FDFT1: variants seen among roughly 807,000 people sequenced by gnomAD.
FDFT1 encodes the protein squalene synthase.
In FDFT1, 68 loss-of-function variants were observed where a neutral mutation model predicts 46.8. The ratio of observed to expected loss-of-function variants is 1.45; its 90% confidence interval spans 1.19 to 1.78. The LOEUF (loss-of-function observed/expected upper bound fraction) is 1.78, where lower values mean the gene tolerates loss of function less well. Ranked by LOEUF, FDFT1 falls within the 40% of genes most tolerant of loss-of-function variation. The pLI is 0.00. For synonymous variants in FDFT1, 351 were observed against 185.1 expected, an observed-to-expected ratio of 1.90 and a Z score of -7.28; for missense variants, 928 against 524.4, an observed-to-expected ratio of 1.77 and a Z score of -7.52.
At position 11,808,472 on chromosome 8, in the gene FDFT1, C is replaced by G. The variant is rs898451506; in HGVS notation, c.100-322C>G. The G allele has an allele frequency of 1.2e-5, 15 of 1,291,348 alleles. No homozygotes were observed. In the Admixed American group the frequency reaches 2.0e-4, roughly 17 times the overall value. The allele number at this position is 1,291,348 out of a possible 1,614,324, so 80.0% of individuals were successfully genotyped here. A position where few individuals can be genotyped will look rare whatever the true frequency, so the allele number is the denominator to read the frequency against. ...GCCCCTCGTCGGGCGCTTCCCAGAT[C>G]TGCTTGAGTCTATGGAGGAAAAACT... On this transcript the variant is annotated intron_variant, in intron 1 of 7. Transcript: ENST00000220584.
intron 3 of FDFT1, among the ~76,000 whole-genome samples, chr8:11,816,339 T>C (rs1563313891): frequency 6.6e-6 from 1 of 152,234 alleles, no homozygotes; most frequent in African/African-American, 2.4e-5. Flanking sequence ...TAGGATTGTC[T>C]TGGCTATGCA....
chr8:11,832,871 G>A (rs927046733), intron 7 of FDFT1, among the ~76,000 whole-genome samples: 1 of 152,116 alleles, frequency 6.6e-6, no homozygotes, highest in Non-Finnish European at 1.5e-5. Context: ...CTCCCCAGAG[G>A]TTACCTCTGT....
intron 3 of FDFT1, among the ~76,000 whole-genome samples, chr8:11,811,216 G>T (rs1411277722): frequency 6.6e-6 from 1 of 152,168 alleles, no homozygotes; most frequent in Non-Finnish European, 1.5e-5. Flanking sequence ...CCAGAGGATG[G>T]GTTTCCTTTG....
At chr8:11,803,006 G>A in intron 1 of FDFT1, 75 bp downstream of exon 1, 4 of 1,531,840 alleles carry the variant, frequency 2.6e-6, no homozygotes, top group South Asian at 2.4e-5. Context: ...GAGCGGCCGG[G>A]CCCGGATCTG....
At chr8:11,806,615 A>C (rs1013364329) in intron 1 of FDFT1, among the ~76,000 whole-genome samples, 3 of 152,128 alleles carry the variant, frequency 2.0e-5, no homozygotes, top group Admixed American at 6.5e-5. Context: ...CTCCTGGCTT[A>C]ACATCACCCC....
At chr8:11,823,803 G>A (rs912334484) in intron 4 of FDFT1, among the ~76,000 whole-genome samples, 8 of 152,124 alleles carry the variant, frequency 5.3e-5, no homozygotes, top group African/African-American at 9.7e-5. Context: ...GAGTGTAGTG[G>A]CATGATCAAG....
intron 4 of FDFT1, among the ~76,000 whole-genome samples, chr8:11,822,139 T>C (rs866133651): frequency 6.6e-6 from 1 of 152,200 alleles, no homozygotes; most frequent in African/African-American, 2.4e-5. Flanking sequence ...TAATTGACCA[T>C]GAAGATTAAA....
intron 2 of FDFT1, 152 bp downstream of exon 2, chr8:11,809,043 A>G: frequency 2.9e-6 from 4 of 1,359,622 alleles, no homozygotes; most frequent in Non-Finnish European, 3.9e-6. Context: ...TGTTTACTTT[A>G]GAAAGCCCTT....
chr8:11,798,409 G>A (rs1473203100), upstream of FDFT1, among the ~76,000 whole-genome samples: 2 of 152,220 alleles, frequency 1.3e-5, no homozygotes, highest in Admixed American at 6.5e-5. Context: ...GGAAAGGACA[G>A]GGGAAGTCAA....
chr8:11,802,395 G>GCGCATCCTAAGCCCCAC, upstream of FDFT1: 2 of 456,708 alleles, frequency 4.4e-6, no homozygotes, highest in South Asian at 3.1e-5. Flanking sequence ...TTGGGCTCCT[G>GCGCATCCTAAGCCCCAC]CGCATCCTAA....
At chr8:11,808,633 G>C in intron 1 of FDFT1, 161 bp from the exon 2 acceptor site, 1 of 1,397,270 alleles carries the variant, frequency 7.2e-7, no homozygotes, top group South Asian at 1.6e-5. Context: ...CGGGGCTGCT[G>C]CTTGCCTCCT....
chr8:11,825,784 A>G (rs1809885241), intron 4 of FDFT1, among the ~76,000 whole-genome samples: 1 of 152,188 alleles, frequency 6.6e-6, no homozygotes, highest in Non-Finnish European at 1.5e-5. Context: ...AGAAATTTGG[A>G]AAATACAAGT....
At chr8:11,802,288 C>A (rs1411490320), upstream of FDFT1, 2 of 386,740 alleles carry the variant, frequency 5.2e-6, no homozygotes, top group African/African-American at 2.1e-5. Context: ...AGAGCTCACC[C>A]GGCTGGCAGG....
chr8:11,831,872 G>A (rs1466151410), intron 7 of FDFT1: 3 of 512,560 alleles, frequency 5.9e-6, no homozygotes, highest in Admixed American at 6.7e-5. Context: ...GTAGTACCCT[G>A]GTGAGAGGAG....
chr8:11,838,493 A>T lies in FDFT1; in HGVS notation c.1138A>T (p.Ser380Cys). ...TCCCAACTGTCAGCTGATTTCCCGA[A>T]GCCACTACTCCCCCATCTACCTGTC... ...NLPNCQLISR[S>C]HYSPIYLSFV... Residue 380 changes from serine to cysteine, a missense_variant, in exon 8 of 8, where the codon AGC becomes TGC. Transcript: ENST00000220584. 1 of 1,606,586 alleles carries T rather than the reference A, an allele frequency of 6.2e-7. No individual in the cohort carries two copies. The highest frequency in any genetic ancestry group is 8.5e-7 in the Non-Finnish European group (1 of 1,175,306).
intron 3 of FDFT1, among the ~76,000 whole-genome samples, chr8:11,818,859 G>A (rs940457861): frequency 2.8e-4 from 42 of 152,086 alleles, no homozygotes; most frequent in Admixed American, 2.8e-3. Context: ...TTATATTTAA[G>A]GTTAATATTG....
At chr8:11,803,873 TCTTTA>T (rs1232800832) in intron 1 of FDFT1, 6 of 154,210 alleles carry the variant, frequency 3.9e-5, no homozygotes, top group African/African-American at 1.4e-4. Context: ...TCACGTGCTA[TCTTTA>T]ATACAGGTAC....
intron 4 of FDFT1, among the ~76,000 whole-genome samples, chr8:11,824,926 G>A (rs866718624): frequency 2.6e-5 from 4 of 151,940 alleles, no homozygotes; most frequent in Admixed American, 6.6e-5. Flanking sequence ...TAGTAGAGAC[G>A]GGGTTTCACC....
rs764954065 is a variant in FDFT1 at position 11,838,395 on chromosome 8, A to C, written c.1040A>C (p.His347Pro). ...TTCCTGTGTCTTTAACAGATTTATC[A>C]TAGAATCCCCGACTCAGACCCATCT... ...IIYQYMEEIYHRIPDSDPSSS... is the reference protein window; with the variant it reads ...IIYQYMEEIYPRIPDSDPSSS... The change falls in exon 8 of 8, where the codon CAT becomes CCT. Residue 347 changes from histidine (H) to proline (P), a missense_variant. By Grantham distance (77) the His-to-Pro change is moderately conservative. Coordinates refer to ENST00000220584, the MANE Select transcript of FDFT1 (RefSeq NM_004462.5). The C allele has an allele frequency of 6.2e-7, 1 of 1,613,392 alleles. No homozygotes were observed. Among genetic ancestry groups the C allele is most frequent in the Non-Finnish European group, 8.5e-7 (1 of 1,179,340 alleles).
Sources: allele counts gnomAD v4.1 joint callset (sites outside exome capture counted in the v4.1 genomes callset), GRCh38; gene constraint gnomAD v4.1.1; transcripts MANE v1.5; gene names NCBI Gene and HGNC (gene_info 2026-07-23, HGNC 2026-07-21).